IL1RAP: variants seen among roughly 807,000 people sequenced by gnomAD.
IL1RAP encodes interleukin-1 receptor accessory protein.
A neutral mutation model predicts 60.7 loss-of-function variants in IL1RAP; 35 were observed. The observed-to-expected ratio is 0.58, with a 90% CI of 0.44 to 0.76. IL1RAP has a LOEUF of 0.76. Ranked by LOEUF, IL1RAP falls within the 30% of genes least tolerant of loss-of-function variation. The pLI, the probability that IL1RAP is intolerant of heterozygous loss-of-function variation, is 0.00. For missense variants in IL1RAP, 572 were observed against 693.9 expected (o/e 0.82, Z 1.97); for synonymous variants, 268 against 250.9 (o/e 1.07, Z -0.64).
At chr3:190,551,698 C>A (rs1026473346) in intron 1 of IL1RAP, among the ~76,000 whole-genome samples, 1 of 152,162 alleles carries the variant, frequency 6.6e-6, no homozygotes, top group Non-Finnish European at 1.5e-5. Context: ...TTATCAAAAA[C>A]CTGTATTTAA....
At chr3:190,565,313 T>A (rs996872535) in intron 3 of IL1RAP, among the ~76,000 whole-genome samples, 1 of 152,172 alleles carries the variant, frequency 6.6e-6, no homozygotes, top group Admixed American at 6.5e-5. Flanking sequence ...AAACCATACT[T>A]TACATATCGT....
At chr3:190,653,328 C>A (rs1221950507), downstream of IL1RAP, among the ~76,000 whole-genome samples, 2 of 152,116 alleles carry the variant, frequency 1.3e-5, no homozygotes, top group African/African-American at 4.8e-5. Flanking sequence ...ATGTAGGCAT[C>A]TAATTTGTTT....
At chr3:190,516,627 A>T (rs926593961) in intron 1 of IL1RAP, among the ~76,000 whole-genome samples, 13 of 152,306 alleles carry the variant, frequency 8.5e-5, no homozygotes, top group Admixed American at 3.3e-4. Context: ...TTGTGGTCAG[A>T]CCTACTTGAT....
At chr3:190,594,177 C>G (rs1729184949) in intron 3 of IL1RAP, among the ~76,000 whole-genome samples, 1 of 152,122 alleles carries the variant, frequency 6.6e-6, no homozygotes, top group Admixed American at 6.5e-5. Context: ...GATCGTGATT[C>G]AATACATCAG....
intron 1 of IL1RAP, among the ~76,000 whole-genome samples, chr3:190,545,321 C>T (rs148120725): frequency 1.1e-4 from 17 of 152,226 alleles, no homozygotes; most frequent in African/African-American, 2.2e-4. Context: ...AATTCACTGC[C>T]GGATCATTCA....
downstream of IL1RAP, among the ~76,000 whole-genome samples, chr3:190,653,173 T>C (rs1197448026): frequency 6.6e-6 from 1 of 152,216 alleles, no homozygotes; most frequent in Non-Finnish European, 1.5e-5. Context: ...AGTAAGATGA[T>C]ATTTTAAAGT....
At chr3:190,636,944 G>C (rs1733272784) in intron 9 of IL1RAP, among the ~76,000 whole-genome samples, 1 of 151,534 alleles carries the variant, frequency 6.6e-6, no homozygotes, top group African/African-American at 2.4e-5. Context: ...CTTCCTTTTT[G>C]TTTGGGGCTT....
chr3:190,585,812 CA>C (rs774184017), intron 3 of IL1RAP, among the ~76,000 whole-genome samples: 1 of 143,086 alleles, frequency 7.0e-6, no homozygotes, highest in East Asian at 2.0e-4. Flanking sequence ...ACTCCAACTC[CA>C]AAAAAAAAGA....
chr3:190,553,334 G>T (rs1164500569), intron 1 of IL1RAP, among the ~76,000 whole-genome samples: 1 of 152,128 alleles, frequency 6.6e-6, no homozygotes, highest in Non-Finnish European at 1.5e-5. Flanking sequence ...ATCATTCCTA[G>T]CCTAGTAAAA....
chr3:190,613,286 G>A (rs1730980621), intron 5 of IL1RAP, among the ~76,000 whole-genome samples: 1 of 152,298 alleles, frequency 6.6e-6, no homozygotes, highest in Non-Finnish European at 1.5e-5. Context: ...GGTTTAGGGA[G>A]TAAGTAATGG....
intron 3 of IL1RAP, among the ~76,000 whole-genome samples, chr3:190,576,031 T>C (rs1727412093): frequency 6.7e-6 from 1 of 150,200 alleles, no homozygotes; most frequent in Non-Finnish European, 1.5e-5. Context: ...AGGAGATATA[T>C]TTAAATGCGA....
chr3:190,649,301 C>T lies in IL1RAP; in HGVS notation c.*596C>T. On this transcript the variant is annotated 3_prime_UTR_variant, in exon 12 of 12. Transcript: ENST00000447382. ...TTAATTGATTTAAAGGACTTGTCTT[C>T]TATACCACCCTTGTCCTCATCTCAG... The T allele has an allele frequency of 1.2e-5, 12 of 984,898 alleles. No individual in the cohort carries two copies. The highest frequency in any genetic ancestry group is 1.4e-5 in the Non-Finnish European group (12 of 829,044). The allele number at this position is 984,898 out of a possible 1,614,324, so 61.0% of individuals were successfully genotyped here.
At chr3:190,622,622 T>A (rs1731873029) in intron 6 of IL1RAP, among the ~76,000 whole-genome samples, 1 of 152,210 alleles carries the variant, frequency 6.6e-6, no homozygotes, top group Admixed American at 6.5e-5. Flanking sequence ...AACCTTTTAC[T>A]TACCCTTACT....
chr3:190,587,300 A>G (rs1278754050), intron 3 of IL1RAP, among the ~76,000 whole-genome samples: 2 of 152,192 alleles, frequency 1.3e-5, no homozygotes, highest in African/African-American at 4.8e-5. Context: ...TAACTTATCT[A>G]TGCTTCATGC....
intron 4 of IL1RAP, 63 bp downstream of exon 4, chr3:190,604,476 G>A: frequency 1.3e-6 from 2 of 1,526,622 alleles, no homozygotes; most frequent in Non-Finnish European, 1.8e-6. Context: ...TTTTCCGGAT[G>A]ATCCGTGTGC....
chr3:190,630,888 C>G (rs939645767), intron 9 of IL1RAP, among the ~76,000 whole-genome samples: 6 of 152,188 alleles, frequency 3.9e-5, no homozygotes, highest in Admixed American at 1.3e-4. Flanking sequence ...AATAATACCA[C>G]TACCTTATAA....
At position 190,630,449 on chromosome 3, in the gene IL1RAP, G is replaced by T. The variant is rs539761758; in HGVS notation, c.1051+951G>T. Reference sequence around the variant, plus strand: ...GAATCCTCCTGGCTCCTAGTCTATAGAGTGTGTAATATTTCTTCAAAAGTG... The same window carrying T: ...GAATCCTCCTGGCTCCTAGTCTATATAGTGTGTAATATTTCTTCAAAAGTG... On this transcript the variant is annotated intron_variant, in intron 9 of 11. Transcript: ENST00000447382. Among the ~76,000 whole-genome samples the T allele has an allele frequency of 8.5e-5, 13 of 152,276 alleles. No individual in the cohort carries two copies. In the South Asian group the frequency reaches 2.7e-3, roughly 32 times the overall value.
exon 12 of IL1RAP, chr3:190,657,166 G>T (rs1237114091): frequency 8.5e-5 from 13 of 152,130 alleles, no homozygotes; most frequent in Non-Finnish European, 1.6e-4. Flanking sequence ...GCCTAACATT[G>T]TTAGCATCAA....
intron 1 of IL1RAP, among the ~76,000 whole-genome samples, chr3:190,528,518 G>A (rs963202298): frequency 3.9e-5 from 6 of 152,180 alleles, no homozygotes; most frequent in African/African-American, 1.4e-4. Context: ...TTAATAAAAA[G>A]GGAGGCTTGG....
Sources: gnomAD v4.1 joint callset for allele counts (sites outside exome capture counted in the v4.1 genomes callset) on GRCh38, gnomAD v4.1.1 for gene constraint, MANE v1.5 for transcripts, NCBI Gene and HGNC (gene_info 2026-07-23, HGNC 2026-07-21) for gene names.